The following SIPA1L2 variants were observed in gnomAD, a reference collection of about 807,000 sequenced individuals.
SIPA1L2 encodes the protein signal-induced proliferation-associated 1-like protein 2.
In SIPA1L2, 56 loss-of-function variants were observed where a neutral mutation model predicts 163.9. The observed-to-expected ratio is 0.34, with a 90% confidence interval of 0.28 to 0.43. SIPA1L2 has a LOEUF of 0.43. SIPA1L2 is among the 20% of genes least tolerant of loss of function. SIPA1L2 has a pLI of 1.00. For missense variants in SIPA1L2, 1,974 were observed against 2,193.5 expected, an observed-to-expected ratio of 0.90 and a Z score of 2.00; for synonymous variants, 877 against 865.7, an observed-to-expected ratio of 1.01 and a Z score of -0.23.
intron 15 of SIPA1L2, among the ~76,000 whole-genome samples, chr1:232,438,527 T>C: frequency 6.6e-6 from 1 of 152,062 alleles, no homozygotes; most frequent in East Asian, 1.9e-4. Flanking sequence ...TAAGGAGATA[T>C]TAAACATCTA....
intron 10 of SIPA1L2, among the ~76,000 whole-genome samples, chr1:232,455,060 C>T (rs1663813837): frequency 6.6e-6 from 1 of 152,148 alleles, no homozygotes; most frequent in African/African-American, 2.4e-5. Flanking sequence ...GGCAATCTAC[C>T]TTAAATTCTA....
At chr1:232,576,336 CT>C (rs1660075219) in intron 1 of SIPA1L2, among the ~76,000 whole-genome samples, 3 of 152,210 alleles carry the variant, frequency 2.0e-5, no homozygotes, top group Admixed American at 6.5e-5. Flanking sequence ...TTCGTCATTA[CT>C]TTTATGTTTG....
At chr1:232,501,048 G>GTTTTTT (rs1421294418) in intron 3 of SIPA1L2, among the ~76,000 whole-genome samples, 5 of 58,440 alleles carry the variant, frequency 8.6e-5, no homozygotes, top group East Asian at 1.4e-3. Context: ...TAGCAATGAA[G>GTTTTTT]TATTTTTTTT....
chr1:232,527,810 G>A (rs1337411272), intron 2 of SIPA1L2, among the ~76,000 whole-genome samples: 2 of 128,844 alleles, frequency 1.6e-5, no homozygotes, highest in African/African-American at 5.9e-5. Flanking sequence ...ATAGCTTACT[G>A]CAGCTCAAAC....
Position 232,398,528 on chromosome 1 carries a change from C to A in SIPA1L2, c.*599G>T, listed in dbSNP as rs1660151010. The A allele has an allele frequency of 6.6e-6, 1 of 151,354 alleles. No individual in the cohort carries two copies. Among genetic ancestry groups the A allele is most frequent in the African/African-American group, 2.4e-5 (1 of 41,144 alleles). 9.4% of individuals were successfully genotyped at this position (151,354 alleles called of 1,614,324 possible). On this transcript the variant is annotated 3_prime_UTR_variant, in exon 23 of 23. Transcript: ENST00000674635. ...AATAAATAAGTCTCTAAGGTAACTG[C>A]ATCTGAACTAGTGTTAAACACAACA... is the stretch of plus-strand genomic sequence containing the variant.
intron 2 of SIPA1L2, among the ~76,000 whole-genome samples, chr1:232,572,742 T>C (rs956546582): frequency 3.7e-3 from 144 of 38,772 alleles, no homozygotes; most frequent in Admixed American, 0.01. Context: ...TACATACATA[T>C]ATATATATAT....
intron 2 of SIPA1L2, among the ~76,000 whole-genome samples, chr1:232,544,161 G>A (rs913570550): frequency 6.6e-6 from 1 of 151,638 alleles, no homozygotes; most frequent in African/African-American, 2.4e-5. Context: ...CACGGAATAA[G>A]CATTGAAATG....
intron 7 of SIPA1L2, among the ~76,000 whole-genome samples, chr1:232,475,443 T>A (rs1664998471): frequency 6.6e-6 from 1 of 152,066 alleles, no homozygotes; most frequent in Admixed American, 6.6e-5. Flanking sequence ...TACTCAAGAG[T>A]TTGCACCAGT....
In SIPA1L2 at chr1:232,532,168, G is replaced by A. The variant is rs189686549; in HGVS notation, c.-269-16560C>T. 3.3e-5 allele frequency among the ~76,000 whole-genome samples: 5 copies of A among 152,310 alleles called. No individual in the cohort carries two copies. In the East Asian group the frequency reaches 9.7e-4, roughly 29 times the overall value. On this transcript the variant is annotated intron_variant, in intron 2 of 22. Coordinates refer to ENST00000674635, the MANE Select transcript of SIPA1L2 (RefSeq NM_020808.5). ...AGAGGGTGATGGGGTCTTGAACCAAGTGGCAGCAGTACAGATGGTGAGAAG... is the reference window on the plus strand; with the variant it reads ...AGAGGGTGATGGGGTCTTGAACCAAATGGCAGCAGTACAGATGGTGAGAAG...
chr1:232,434,154 C>A (rs995741281), intron 15 of SIPA1L2, among the ~76,000 whole-genome samples: 1 of 152,120 alleles, frequency 6.6e-6, no homozygotes. Context: ...TAAATATAAT[C>A]TTATTCTGAA....
intron 3 of SIPA1L2, among the ~76,000 whole-genome samples, chr1:232,502,282 A>C (rs188766003): frequency 7.2e-4 from 109 of 152,292 alleles, no homozygotes; most frequent in African/African-American, 2.6e-3. Context: ...AAAAAAAAGA[A>C]ATCAAAACAA....
chr1:232,520,791 C>T (rs1471575716), intron 2 of SIPA1L2, among the ~76,000 whole-genome samples: 1 of 152,196 alleles, frequency 6.6e-6, no homozygotes, highest in East Asian at 1.9e-4. Flanking sequence ...TACCCTCTCT[C>T]TGTGGCCAAG....
intron 19 of SIPA1L2, among the ~76,000 whole-genome samples, chr1:232,405,308 C>T (rs1660573300): frequency 6.6e-6 from 1 of 152,234 alleles, no homozygotes; most frequent in African/African-American, 2.4e-5. Context: ...AGGCAGATGT[C>T]TTTCAACTAA....
At chr1:232,618,241 C>T (rs1370312439) in intron 1 of SIPA1L2, among the ~76,000 whole-genome samples, 1 of 152,162 alleles carries the variant, frequency 6.6e-6, no homozygotes, top group Non-Finnish European at 1.5e-5. Flanking sequence ...AGGAAGTGGA[C>T]TGAAGGAAGG....
chr1:232,608,794 G>C (rs930346826), intron 1 of SIPA1L2, among the ~76,000 whole-genome samples: 1 of 152,018 alleles, frequency 6.6e-6, no homozygotes, highest in Non-Finnish European at 1.5e-5. Flanking sequence ...ACCACATACA[G>C]TGGCCAAGCA....
chr1:232,536,992 T>C (rs1436171406), intron 2 of SIPA1L2, among the ~76,000 whole-genome samples: 8 of 152,144 alleles, frequency 5.3e-5, no homozygotes, highest in Non-Finnish European at 7.3e-5. Context: ...TCTTAGCACT[T>C]TGGGAGGCCA....
chr1:232,413,449 A>G (rs529918770), intron 19 of SIPA1L2, among the ~76,000 whole-genome samples: 1 of 152,328 alleles, frequency 6.6e-6, no homozygotes, highest in African/African-American at 2.4e-5. Context: ...CTGAAGGAAC[A>G]TTTGAAAGGG....
At chr1:232,630,231 G>A (rs1298934083), upstream of SIPA1L2, among the ~76,000 whole-genome samples, 4 of 151,574 alleles carry the variant, frequency 2.6e-5, no homozygotes, top group African/African-American at 9.7e-5. Flanking sequence ...AGGCCCCCTC[G>A]GCCCCGCCCC....
chr1:232,493,399 T>C lies in SIPA1L2; in HGVS notation c.1617+128A>G. ...AATACTGCAATGCCCTTTTTAATTA[T>C]CTTAAATGTTGCAATCATTAACATT... On this transcript the variant is annotated intron_variant, in intron 4 of 22. Coordinates refer to ENST00000674635, the MANE Select transcript of SIPA1L2 (RefSeq NM_020808.5). 2.4e-6 allele frequency: 3 copies of C among 1,246,986 alleles called. No individual in the cohort carries two copies. In the East Asian group the frequency reaches 7.0e-5, roughly 29 times the overall value. 77.2% of individuals were successfully genotyped at this position (1,246,986 alleles called of 1,614,324 possible).
Sources: gnomAD v4.1 joint callset for allele counts (sites outside exome capture counted in the v4.1 genomes callset) on GRCh38, gnomAD v4.1.1 for gene constraint, MANE v1.5 for transcripts, NCBI Gene and HGNC (gene_info 2026-07-23, HGNC 2026-07-21) for gene names.